PUDP: variants seen among roughly 807,000 people sequenced by gnomAD.
PUDP encodes the protein pseudouridine-5'-phosphatase.
In PUDP, 8 loss-of-function variants were observed where a neutral mutation model predicts 9.4. That is an observed-to-expected ratio of 0.85 (90% confidence interval 0.50 to 1.53). PUDP has a LOEUF of 1.53. Ranked by LOEUF, PUDP falls within the 40% of genes most tolerant of loss-of-function variation. The pLI is 0.00. For missense variants in PUDP, 188 were observed against 189.7 expected (o/e 0.99, Z 0.05); for synonymous variants, 99 against 80.7 (o/e 1.23, Z -1.22).
At chrX:7,028,051 A>T (rs1929743753) in intron 1 of PUDP, among the ~76,000 whole-genome samples, 3 of 105,789 alleles carry the variant, frequency 2.8e-5, no homozygotes, top group Non-Finnish European at 5.8e-5. Flanking sequence ...TATTGTCTAT[A>T]TATTGTCCTA....
At chrX:7,076,383 C>T (rs1930902843) in intron 3 of PUDP, among the ~76,000 whole-genome samples, 1 of 111,804 alleles carries the variant, frequency 8.9e-6, no homozygotes, top group African/African-American at 3.3e-5. Flanking sequence ...GATGCCCTCC[C>T]CAGCTGCTTA....
chrX:6,868,607 A>T (rs12687860), intron 3 of PUDP, among the ~76,000 whole-genome samples: 10,353 of 112,082 alleles, frequency 0.092, 609 homozygotes, highest in East Asian at 0.46. Flanking sequence ...GTCTCTCTAT[A>T]CAAATGTCTT....
intron 1 of PUDP, among the ~76,000 whole-genome samples, chrX:7,040,258 C>G (rs1338715535): frequency 9.0e-6 from 1 of 111,427 alleles, no homozygotes; most frequent in Non-Finnish European, 1.9e-5. Context: ...CACAACATCA[C>G]CCTCATATGC....
intron 3 of PUDP, among the ~76,000 whole-genome samples, chrX:6,863,924 T>G (rs1006415835): frequency 9.0e-6 from 1 of 111,634 alleles, no homozygotes; most frequent in African/African-American, 3.3e-5. Flanking sequence ...CCTGAACCCT[T>G]GACCAGTAGG....
chrX:6,807,056 T>C (rs1442035366), intron 3 of PUDP, among the ~76,000 whole-genome samples: 1 of 112,320 alleles, frequency 8.9e-6, no homozygotes, highest in Non-Finnish European at 1.9e-5. Context: ...AGGTTGCCTA[T>C]TGGAAGTTTG....
Position 7,060,071 on chromosome X carries a change from G to C in PUDP, c.511-9599C>G, listed in dbSNP as rs187136860. ...CTGGCAATGCAGAGGCCTCTCTTCG[G>C]TCCTCTCCTTGGTCCTTTCCATACT... is the stretch of plus-strand genomic sequence containing the variant. On this transcript the variant is annotated intron_variant, in intron 3 of 3. Coordinates refer to ENST00000381077, the MANE Select transcript of PUDP (RefSeq NM_012080.5). Among the ~76,000 whole-genome samples, 855 of 111,790 alleles carry C rather than the reference G, an allele frequency of 7.6e-3. 8 individuals carry two copies. The highest frequency in any genetic ancestry group is 0.027 in the Admixed American group (290 of 10,554).
chrX:7,112,518 A>C (rs997411580), intron 1 of PUDP, among the ~76,000 whole-genome samples: 6 of 112,079 alleles, frequency 5.4e-5, no homozygotes, highest in Non-Finnish European at 1.1e-4. Context: ...AATTACAAAA[A>C]AGAGAAAAAA....
rs1017880120 is a variant in PUDP at position 6,773,850 on chromosome X, G to A, written c.*248-67384C>T. On this transcript the variant is annotated intron_variant and NMD_transcript_variant, in intron 3 of 3. Coordinates refer to the PUDP transcript ENST00000655425. ...CCTTAATCTGCAGGAAATTAAAAGT[G>A]GGTATATGCCAGGCACTGTGGCTCA... Among the ~76,000 whole-genome samples, 11 of 111,939 alleles carry A rather than the reference G, an allele frequency of 9.8e-5. No individual in the cohort carries two copies. The Admixed American group carries it at 1.0e-3, about 11-fold the overall frequency.
intron 2 of PUDP, among the ~76,000 whole-genome samples, chrX:7,105,041 G>A (rs1384009434): frequency 1.8e-5 from 2 of 111,412 alleles, no homozygotes; most frequent in Admixed American, 1.9e-4. Flanking sequence ...AGGCAAGCCC[G>A]TTCTGATTGA....
chrX:6,779,688 G>A, intron 3 of PUDP, among the ~76,000 whole-genome samples: 1 of 111,857 alleles, frequency 8.9e-6, no homozygotes, highest in Non-Finnish European at 1.9e-5. Context: ...CCAGCACTTT[G>A]GGAGGACCAA....
chrX:6,901,062 C>A (rs1200900721), intron 3 of PUDP, among the ~76,000 whole-genome samples: 2 of 111,515 alleles, frequency 1.8e-5, no homozygotes, highest in Non-Finnish European at 3.8e-5. Context: ...AGGCATGAGC[C>A]ACTGCGCCCG....
chrX:7,103,139 C>T (rs1442451063), intron 2 of PUDP, among the ~76,000 whole-genome samples: 4 of 111,789 alleles, frequency 3.6e-5, no homozygotes, highest in African/African-American at 1.3e-4. Context: ...AGAACAAAAT[C>T]GGAGGTCTCA....
intron 2 of PUDP, among the ~76,000 whole-genome samples, chrX:7,101,449 C>T (rs1471241132): frequency 1.0e-4 from 11 of 110,323 alleles, no homozygotes. Context: ...TAATCTGATA[C>T]CTGCTCGCTT....
At chrX:6,893,372 T>G (rs867905994) in intron 3 of PUDP, among the ~76,000 whole-genome samples, 1 of 111,772 alleles carries the variant, frequency 8.9e-6, no homozygotes, top group African/African-American at 3.3e-5. Context: ...ATTCATGTCT[T>G]GCTCTTCCAC....
chrX:7,066,925 T>C, intron 3 of PUDP, among the ~76,000 whole-genome samples: 1 of 111,950 alleles, frequency 8.9e-6, no homozygotes, highest in Non-Finnish European at 1.9e-5. Context: ...ACAGTGCTGA[T>C]TAAATGAAGT....
intron 1 of PUDP, among the ~76,000 whole-genome samples, chrX:7,114,810 T>C (rs893335910): frequency 8.9e-6 from 1 of 112,670 alleles, no homozygotes; most frequent in Non-Finnish European, 1.9e-5. Flanking sequence ...CATATACAAA[T>C]GTACAAATTA....
chrX:6,826,695 CTAGGTTTTAA>C (rs767147313), intron 3 of PUDP, among the ~76,000 whole-genome samples: 48 of 111,941 alleles, frequency 4.3e-4, no homozygotes, highest in Non-Finnish European at 6.4e-4. Context: ...GTTATAGGTC[CTAGGTTTTAA>C]TATCTAAGAA....
At chrX:7,074,178 C>A (rs190832064) in intron 3 of PUDP, among the ~76,000 whole-genome samples, 289 of 112,722 alleles carry the variant, frequency 2.6e-3, no homozygotes, top group Non-Finnish European at 4.7e-3. Flanking sequence ...CCTGCCTCAG[C>A]ATCCCAAAGT....
At chrX:6,865,541 A>G (rs72609564) in intron 3 of PUDP, among the ~76,000 whole-genome samples, 10,415 of 112,055 alleles carry the variant, frequency 0.093, 606 homozygotes, top group East Asian at 0.46. Flanking sequence ...TGTTCTTACC[A>G]TTAGCAACAT....
Sources: allele counts gnomAD v4.1 joint callset (sites outside exome capture counted in the v4.1 genomes callset), GRCh38; gene constraint gnomAD v4.1.1; transcripts MANE v1.5; gene names NCBI Gene and HGNC (gene_info 2026-07-23, HGNC 2026-07-21).